Variants in DNAH9 observed in about 807,000 individuals in gnomAD.
DNAH9 encodes DNAH9 variant protein.
A neutral mutation model predicts 471.6 loss-of-function variants in DNAH9; 345 were observed. The ratio of observed to expected loss-of-function variants is 0.73; its 90% confidence interval spans 0.67 to 0.80. DNAH9 has a LOEUF of 0.80. DNAH9 is among the 30% of genes least tolerant of loss of function. DNAH9 has a pLI of 0.00. For missense variants in DNAH9, 5,407 were observed against 5,609.2 expected (o/e 0.96, Z 1.15); for synonymous variants, 2,093 against 2,123.6 (o/e 0.99, Z 0.40).
At chr17:11,869,399 C>A in intron 51 of DNAH9, 146 bp downstream of exon 51, 1 of 1,227,938 alleles carries the variant, frequency 8.1e-7, no homozygotes, top group Non-Finnish European at 1.1e-6. Flanking sequence ...GGAATTGAGT[C>A]CTGAGGAAAA....
At position 11,640,349 on chromosome 17, in the gene DNAH9, G is replaced by A; in HGVS notation, c.1866G>A (p.Gln622=). The part of the protein sequence containing the change: ...RWAQELRQRI[Q]GPFSNFGRIT... The stretch of plus-strand genomic sequence containing the variant: ...CACAGGAGCTGAGGCAGCGCATCCA[G>A]GGTCCTTTCAGCAACTTTGGACGCA... The change falls in exon 10 of 69, where the codon CAG becomes CAA. Residue 622 remains glutamine (Q), a synonymous_variant. Coordinates refer to ENST00000262442, the MANE Select transcript of DNAH9 (RefSeq NM_001372.4). 6.2e-7 allele frequency: 1 copy of A among 1,614,000 alleles called. No individual in the cohort carries two copies. Among genetic ancestry groups the A allele is most frequent in the Non-Finnish European group, 8.5e-7 (1 of 1,179,894 alleles).
rs371187162 is a variant in DNAH9 at position 11,608,256 on chromosome 17, G to C, written c.545G>C (p.Gly182Ala). 1.2e-6 allele frequency: 2 copies of C among 1,613,802 alleles called. No homozygotes were observed. Among genetic ancestry groups the C allele is most frequent in the African/African-American group, 1.3e-5 (1 of 74,924 alleles). The change falls in exon 2 of 69, where the codon GGA becomes GCA. Residue 182 changes from glycine (G) to alanine (A), a missense_variant. Transcript: ENST00000262442. ...DLSVILEQVK[G>A]KTLLPLPAGS... Reference sequence around the variant, plus strand: ...TCAGTTATACTTGAGCAAGTGAAGGGAAAAACTTTGCTGCCTCTTCCAGCA... The same window carrying C: ...TCAGTTATACTTGAGCAAGTGAAGGCAAAAACTTTGCTGCCTCTTCCAGCA...
intron 62 of DNAH9, among the ~76,000 whole-genome samples, chr17:11,924,711 C>A (rs2047987387): frequency 6.6e-6 from 1 of 150,722 alleles, no homozygotes; most frequent in Non-Finnish European, 1.5e-5. Context: ...GCAACCTCCG[C>A]CTCCCGGGTT....
chr17:11,745,680 T>TA (rs888243128), intron 31 of DNAH9, among the ~76,000 whole-genome samples: 1 of 152,184 alleles, frequency 6.6e-6, no homozygotes, highest in Non-Finnish European at 1.5e-5. Flanking sequence ...AAGGAAATTT[T>TA]AAAAAATGAT....
Position 11,679,789 on chromosome 17 carries a change from G to C in DNAH9, c.3386G>C (p.Ser1129Thr), listed in dbSNP as rs200266837. The C allele has an allele frequency of 1.3e-5, 21 of 1,614,126 alleles. No homozygotes were observed. The highest frequency in any genetic ancestry group is 1.8e-5 in the Non-Finnish European group (21 of 1,180,002). The change falls in exon 18 of 69, where the codon AGT (serine) becomes ACT (threonine). Residue 1129 changes from serine (S) to threonine (T), a missense_variant. Physicochemically the swap from Ser to Thr is moderately conservative, Grantham distance 58. This residue lies in a region of DNAH9 where 4,636 missense variants were observed against 4,900.3 expected (regional missense o/e 0.95). Transcript: ENST00000262442. ...AACCTGGATGCGTTTATAAAGAAGA[G>C]TGAGAGCGGCTTACTCAAGAAAGTT... ...LANLDAFIKK[S>T]ESGLLKKVEK...
At chr17:11,903,615 A>C (rs1417654407) in intron 60 of DNAH9, among the ~76,000 whole-genome samples, 1 of 152,132 alleles carries the variant, frequency 6.6e-6, no homozygotes, top group Non-Finnish European at 1.5e-5. Context: ...CATGATAGAA[A>C]AATACCAGGG....
At chr17:11,883,542 C>G (rs202203822) in intron 55 of DNAH9, 44 bp from the exon 56 acceptor site, 1 of 1,605,600 alleles carries the variant, frequency 6.2e-7, no homozygotes, top group South Asian at 1.1e-5. Context: ...GAGCAGGATG[C>G]CCTGGGCATC....
intron 14 of DNAH9, among the ~76,000 whole-genome samples, chr17:11,657,680 T>C (rs1246223846): frequency 6.6e-6 from 1 of 152,076 alleles, no homozygotes; most frequent in Non-Finnish European, 1.5e-5. Flanking sequence ...TTTTAACTTT[T>C]TTATTCAGGA....
chr17:11,698,041 T>G (rs1012749347), intron 22 of DNAH9, among the ~76,000 whole-genome samples: 18 of 145,388 alleles, frequency 1.2e-4, no homozygotes, highest in Non-Finnish European at 2.4e-4. Context: ...GTATAAAGGT[T>G]AAAAAAATTA....
Position 11,644,875 on chromosome 17 carries a change from T to TG in DNAH9, c.1970+180dup, listed in dbSNP as rs150341888. ...CCGGGTTGCACACACACAGGGTATC[T>TG]GGGGAATTCAGCTGTATTCTGGAAA... On this transcript the variant is annotated intron_variant, in intron 11 of 68. Transcript: ENST00000262442. Among the ~76,000 whole-genome samples the TG allele has an allele frequency of 8.2e-3, 1,251 of 152,264 alleles. 4 individuals carry two copies. The highest frequency in any genetic ancestry group is 0.012 in the Non-Finnish European group (803 of 68,012).
chr17:11,907,732 A>AGAAC (rs1305370749), intron 61 of DNAH9, among the ~76,000 whole-genome samples: 1 of 152,200 alleles, frequency 6.6e-6, no homozygotes, highest in Non-Finnish European at 1.5e-5. Flanking sequence ...TAGGCCCTAA[A>AGAAC]GAACGAATAA....
At chr17:11,935,413 T>G (rs984456416) in intron 65 of DNAH9, among the ~76,000 whole-genome samples, 15 of 150,586 alleles carry the variant, frequency 1.0e-4, no homozygotes, top group African/African-American at 3.4e-4. Context: ...TCTCACTCTG[T>G]CACCCAGGCT....
chr17:11,750,997 C>A (rs1472878921), intron 32 of DNAH9, among the ~76,000 whole-genome samples: 3 of 151,684 alleles, frequency 2.0e-5, no homozygotes, highest in South Asian at 2.1e-4. Flanking sequence ...TAAGATAAGT[C>A]TATTGTGAGA....
At chr17:11,717,660 T>C (rs1241693343) in intron 26 of DNAH9, among the ~76,000 whole-genome samples, 1 of 152,190 alleles carries the variant, frequency 6.6e-6, no homozygotes, top group African/African-American at 2.4e-5. Context: ...ATTACATGCC[T>C]TAAAGTTCAC....
intron 53 of DNAH9, among the ~76,000 whole-genome samples, chr17:11,876,375 T>TAATATATACACCC (rs1381638301): frequency 2.0e-5 from 3 of 152,124 alleles, no homozygotes; most frequent in African/African-American, 4.8e-5. Flanking sequence ...CAAAATAGCT[T>TAATATATACACCC]ATGTACCCCA....
Position 11,937,266 on chromosome 17 carries a change from TGG to T in DNAH9, c.12490-85_12490-84del. 1 of 1,494,098 alleles carries T rather than the reference TGG, an allele frequency of 6.7e-7. No individual in the cohort carries two copies. The highest frequency in any genetic ancestry group is 9.0e-7 in the Non-Finnish European group (1 of 1,108,032). The allele number at this position is 1,494,098 out of a possible 1,614,324, so 92.6% of individuals were successfully genotyped here. On this transcript the variant is annotated intron_variant, in intron 65 of 68. Coordinates refer to ENST00000262442, the MANE Select transcript of DNAH9 (RefSeq NM_001372.4). The surrounding 1 kb of genome is among the most constrained non-coding windows in gnomAD (Gnocchi z 4.1). ...CCCCTGGAGGAGGGATACTAGCCCA[TGG>T]ACTCCCTGCAGAGGACAAGCCGGTG... is the stretch of plus-strand genomic sequence containing the variant.
At chr17:11,750,309 A>C (rs566199797) in intron 32 of DNAH9, among the ~76,000 whole-genome samples, 1 of 152,170 alleles carries the variant, frequency 6.6e-6, no homozygotes, top group Non-Finnish European at 1.5e-5. Flanking sequence ...AAAAGAATAC[A>C]AATCAACAGG....
In DNAH9 at chr17:11,930,099, G is replaced by A. The variant is rs1352644051; in HGVS notation, c.12105+6G>A. On this transcript the variant is annotated splice_donor_region_variant and intron_variant, in intron 63 of 68. Transcript: ENST00000262442. ...CCCTGGACAACTTCACTCAGGTACG[G>A]CCCCGGGAGGGAGGCAAAAACAGCA... 1 of 1,611,090 alleles carries A rather than the reference G, an allele frequency of 6.2e-7. No individual in the cohort carries two copies. Among genetic ancestry groups the A allele is most frequent in the Non-Finnish European group, 8.5e-7 (1 of 1,178,192 alleles).
intron 45 of DNAH9, among the ~76,000 whole-genome samples, chr17:11,812,670 C>A (rs2322055): frequency 2.6e-5 from 4 of 151,408 alleles, no homozygotes; most frequent in African/African-American, 9.7e-5. Context: ...GCCTTGCACT[C>A]ATACCACCCT....
Sources: gnomAD v4.1 joint callset for allele counts (sites outside exome capture counted in the v4.1 genomes callset) on GRCh38, gnomAD v4.1.1 for gene constraint, gnomAD v4.1.1 regional missense constraint, Gnocchi (gnomAD v3.1) non-coding constraint, MANE v1.5 for transcripts, NCBI Gene and HGNC (gene_info 2026-07-23, HGNC 2026-07-21) for gene names.